The following INSC variants were observed in gnomAD, a reference collection of about 807,000 sequenced individuals.
INSC encodes protein inscuteable homolog.
Under a neutral mutation model 58.6 loss-of-function variants are expected in INSC, and 67 were observed. The observed-to-expected ratio is 1.14, with a 90% CI of 0.94 to 1.40. The LOEUF (loss-of-function observed/expected upper bound fraction) is 1.40, where lower values mean the gene tolerates loss of function less well. Ranked by LOEUF, INSC falls within the 40% of genes most tolerant of loss-of-function variation. INSC has a pLI of 0.00. For synonymous variants in INSC, 262 were observed against 276.1 expected (o/e 0.95, Z 0.51); for missense variants, 714 against 692.0 (o/e 1.03, Z -0.36).
chr11:15,232,316 C>G (rs992532961), intron 9 of INSC, among the ~76,000 whole-genome samples: 1 of 152,110 alleles, frequency 6.6e-6, no homozygotes, highest in African/African-American at 2.4e-5. Context: ...AGGCTTGAGT[C>G]CTTTCAGGTT....
At chr11:15,180,027 C>T (rs545623509) in intron 5 of INSC, among the ~76,000 whole-genome samples, 28 of 152,204 alleles carry the variant, frequency 1.8e-4, no homozygotes, top group African/African-American at 6.0e-4. Context: ...GAGGCCAAGG[C>T]GGGCAGATCA....
At chr11:15,208,112 C>CA (rs934844197) in intron 7 of INSC, among the ~76,000 whole-genome samples, 1 of 152,052 alleles carries the variant, frequency 6.6e-6, no homozygotes, top group Non-Finnish European at 1.5e-5. Context: ...GAATGCAAGG[C>CA]AAAAAAATCT....
intron 7 of INSC, among the ~76,000 whole-genome samples, chr11:15,213,158 T>G (rs1267958198): frequency 6.6e-6 from 1 of 151,836 alleles, no homozygotes; most frequent in Non-Finnish European, 1.5e-5. Context: ...TTTTTAATTA[T>G]ACTTTAAGTT....
At chr11:15,162,863 TGAAAA>T (rs2133789470) in intron 2 of INSC, among the ~76,000 whole-genome samples, 1 of 152,300 alleles carries the variant, frequency 6.6e-6, no homozygotes, top group Non-Finnish European at 1.5e-5. Flanking sequence ...CTGGACTTCT[TGAAAA>T]GAAGAGATGT....
At chr11:15,239,399 A>G (rs2133976903) in intron 11 of INSC, among the ~76,000 whole-genome samples, 1 of 152,246 alleles carries the variant, frequency 6.6e-6, no homozygotes, top group African/African-American at 2.4e-5. Context: ...TCATTTATTT[A>G]CTTGTCTACT....
chr11:15,197,481 C>A (rs1037955193), intron 6 of INSC, among the ~76,000 whole-genome samples: 1 of 152,202 alleles, frequency 6.6e-6, no homozygotes, highest in Non-Finnish European at 1.5e-5. Context: ...AGCATCCTCA[C>A]CTTGGATGCT....
intron 5 of INSC, among the ~76,000 whole-genome samples, chr11:15,187,127 C>A (rs866416152): frequency 1.3e-5 from 2 of 152,162 alleles, no homozygotes; most frequent in African/African-American, 4.8e-5. Flanking sequence ...TCTAGCATCA[C>A]ATTCTCACAG....
At chr11:15,217,890 A>G (rs976517837) in intron 7 of INSC, among the ~76,000 whole-genome samples, 18 of 152,204 alleles carry the variant, frequency 1.2e-4, no homozygotes, top group African/African-American at 4.3e-4. Flanking sequence ...AATAGCAAGT[A>G]TTGGCAAGAA....
At chr11:15,218,016 A>C (rs887585966) in intron 7 of INSC, among the ~76,000 whole-genome samples, 15 of 152,218 alleles carry the variant, frequency 9.9e-5, no homozygotes. Flanking sequence ...TTGCCCTAGG[A>C]ATTCCACTCC....
At chr11:15,180,545 C>G (rs1408601822) in intron 5 of INSC, among the ~76,000 whole-genome samples, 4 of 151,978 alleles carry the variant, frequency 2.6e-5, no homozygotes, top group Non-Finnish European at 5.9e-5. Flanking sequence ...ATCTGGTGCT[C>G]CTACTTCCCC....
At chr11:15,186,218 A>G (rs1415046760) in intron 5 of INSC, among the ~76,000 whole-genome samples, 2 of 148,324 alleles carry the variant, frequency 1.3e-5, no homozygotes, top group African/African-American at 5.0e-5. Flanking sequence ...TTTTGAATAT[A>G]CCAGTTTTTA....
At chr11:15,245,205 A>T (rs1240544618) in intron 12 of INSC, among the ~76,000 whole-genome samples, 1 of 152,138 alleles carries the variant, frequency 6.6e-6, no homozygotes, top group Non-Finnish European at 1.5e-5. Flanking sequence ...GGAGGGATGG[A>T]CTGTCTCTGC....
chr11:15,165,787 C>T (rs1849174440), intron 2 of INSC, among the ~76,000 whole-genome samples: 1 of 152,082 alleles, frequency 6.6e-6, no homozygotes, highest in Admixed American at 6.5e-5. Context: ...CAGCTAGGAT[C>T]ATGCCCAGTG....
At chr11:15,202,584 A>G (rs889755735) in intron 7 of INSC, among the ~76,000 whole-genome samples, 2 of 152,194 alleles carry the variant, frequency 1.3e-5, no homozygotes, top group African/African-American at 4.8e-5. Flanking sequence ...CCCTTCTCCT[A>G]TAAAACTTGT....
At position 15,122,349 on chromosome 11, in the gene INSC, C is replaced by G. The variant is rs541956382; in HGVS notation, c.-46+7346C>G. Among the ~76,000 whole-genome samples, 16 of 152,216 alleles carry G rather than the reference C, an allele frequency of 1.1e-4. No homozygotes were observed. The East Asian group carries it at 3.1e-3, about 29-fold the overall frequency. The stretch of plus-strand genomic sequence containing the variant: ...CTGGAGATTGTTTTAATTATTCATA[C>G]AGTAATTACCAGGGCCTGAACTAAG... On this transcript the variant is annotated intron_variant, in intron 1 of 12. Transcript: ENST00000379556.
chr11:15,190,937 C>T (rs1271794868), intron 6 of INSC, 123 bp downstream of exon 6: 5 of 656,580 alleles, frequency 7.6e-6, no homozygotes, highest in Non-Finnish European at 1.4e-5. Flanking sequence ...GCTGAGTCTC[C>T]TTGGGAGAGT....
chr11:15,113,145 C>CTTTCTTTCTT (rs200716197), upstream of INSC, among the ~76,000 whole-genome samples: 2 of 133,506 alleles, frequency 1.5e-5, no homozygotes, highest in Non-Finnish European at 1.6e-5. Flanking sequence ...TTCTTTCTTT[C>CTTTCTTTCTT]TGTCTCTCTC....
chr11:15,212,530 T>TTAGCTTGGGCTCAGAGGCCTGACAC, intron 7 of INSC, among the ~76,000 whole-genome samples: 1 of 152,264 alleles, frequency 6.6e-6, no homozygotes, highest in African/African-American at 2.4e-5. Flanking sequence ...ACAAACTGTC[T>TTAGCTTGGGCTCAGAGGCCTGACAC]TTAATTTCTC....
At chr11:15,142,885 T>C (rs1372200524) in intron 1 of INSC, among the ~76,000 whole-genome samples, 2 of 152,172 alleles carry the variant, frequency 1.3e-5, no homozygotes, top group Admixed American at 1.3e-4. Context: ...TATGTATACA[T>C]GTGCCATGTT....
Sources: allele counts gnomAD v4.1 joint callset (sites outside exome capture counted in the v4.1 genomes callset), GRCh38; gene constraint gnomAD v4.1.1; transcripts MANE v1.5; gene names NCBI Gene and HGNC (gene_info 2026-07-23, HGNC 2026-07-21).